Variants in MYL9 observed in about 807,000 individuals in gnomAD.
MYL9 encodes the protein myosin light chain 9, also known as myosin regulatory light polypeptide 9.
Under a neutral mutation model 12.8 loss-of-function variants are expected in MYL9, and 7 were observed. That is an observed-to-expected ratio of 0.55 (90% CI 0.31 to 1.03). The LOEUF (loss-of-function observed/expected upper bound fraction) is 1.03, where lower values mean the gene tolerates loss of function less well. MYL9 is among the 50% of genes least tolerant of loss of function. The pLI, the probability that MYL9 is intolerant of heterozygous loss-of-function variation, is 0.05. For missense variants in MYL9, 190 were observed against 242.7 expected, an observed-to-expected ratio of 0.78 and a Z score of 1.44; for synonymous variants, 81 against 87.8, an observed-to-expected ratio of 0.92 and a Z score of 0.43.
rs1164573412 is a variant in MYL9, at chr20:36,549,620, C to T, written c.*371C>T. Reference sequence around the variant, plus strand: ...AGGAAGAGGCCCTGAGTCCTGGGATCAGACACCCCTTCACGTGTATCCCCA... The same window carrying T: ...AGGAAGAGGCCCTGAGTCCTGGGATTAGACACCCCTTCACGTGTATCCCCA... On this transcript the variant is annotated 3_prime_UTR_variant, in exon 4 of 4. Coordinates refer to ENST00000279022, the MANE Select transcript of MYL9 (RefSeq NM_006097.5). 4.7e-6 allele frequency: 1 copy of T among 210,776 alleles called. No homozygotes were observed. Among genetic ancestry groups the T allele is most frequent in the Non-Finnish European group, 9.7e-6 (1 of 103,246 alleles). The allele number at this position is 210,776 out of a possible 1,614,324, so 13.1% of individuals were successfully genotyped here.
At chr20:36,541,885 G>C (rs758886917) in intron 1 of MYL9, among the ~76,000 whole-genome samples, 1 of 151,350 alleles carries the variant, frequency 6.6e-6, no homozygotes, top group South Asian at 2.1e-4. Context: ...CCAGAGCTCC[G>C]GGGGGGGCTG....
intron 3 of MYL9, among the ~76,000 whole-genome samples, chr20:36,548,666 C>G (rs1308635762): frequency 6.6e-6 from 1 of 152,210 alleles, no homozygotes; most frequent in East Asian, 1.9e-4. Flanking sequence ...CTAGATTAAA[C>G]AGGCACACGG....
chr20:36,547,036 G>A (rs562375226), intron 2 of MYL9, among the ~76,000 whole-genome samples: 1 of 152,282 alleles, frequency 6.6e-6, no homozygotes, highest in South Asian at 2.1e-4. Context: ...CCATCCCAGG[G>A]GGACACAGCA....
intron 1 of MYL9, among the ~76,000 whole-genome samples, chr20:36,542,005 G>A (rs1169971992): frequency 6.6e-6 from 1 of 152,050 alleles, no homozygotes; most frequent in Non-Finnish European, 1.5e-5. Flanking sequence ...GGGACTCCAC[G>A]CCCCCACAGC....
At chr20:36,544,320 G>A (rs960019150) in intron 1 of MYL9, among the ~76,000 whole-genome samples, 1 of 152,278 alleles carries the variant, frequency 6.6e-6, no homozygotes, top group African/African-American at 2.4e-5. Context: ...GAGTGGGAGA[G>A]TGAGGAACGG....
intron 1 of MYL9, 21 bp from the exon 2 acceptor site, chr20:36,544,838 A>AACCCCCCCCCCCTCCAGCAGGGG: frequency 6.5e-7 from 1 of 1,532,684 alleles, no homozygotes; most frequent in Non-Finnish European, 8.9e-7. Context: ...AGGGCCACCC[A>AACCCCCCCCCCCTCCAGCAGGGG]ACCCCCACCC....
chr20:36,546,661 C>A (rs1468538576), intron 2 of MYL9, among the ~76,000 whole-genome samples: 1 of 151,672 alleles, frequency 6.6e-6, no homozygotes, highest in Admixed American at 6.6e-5. Flanking sequence ...GTTGCCCAGG[C>A]TGGAGTGGCA....
In MYL9 at chr20:36,550,317, A is replaced by C. The variant is rs2038154071; in HGVS notation, c.*1068A>C. Reference sequence around the variant, plus strand: ...CGAGTTCAGCCCCAGGACCAACAGCATGGGGGCCACAGCTTTCCATGTCCC... The same window carrying C: ...CGAGTTCAGCCCCAGGACCAACAGCCTGGGGGCCACAGCTTTCCATGTCCC... On this transcript the variant is annotated 3_prime_UTR_variant, in exon 4 of 4. Transcript: ENST00000279022. 6.6e-6 allele frequency: 1 copy of C among 152,242 alleles called. No individual in the cohort carries two copies. Among genetic ancestry groups the C allele is most frequent in the Non-Finnish European group, 1.5e-5 (1 of 68,110 alleles). The allele number at this position is 152,242 out of a possible 1,614,324, so 9.4% of individuals were successfully genotyped here.
chr20:36,547,047 G>T (rs1049842247), intron 2 of MYL9, among the ~76,000 whole-genome samples: 2 of 152,154 alleles, frequency 1.3e-5, no homozygotes, highest in Non-Finnish European at 2.9e-5. Flanking sequence ...GGACACAGCA[G>T]GGTATGTGAG....
In MYL9 at chr20:36,544,965, C is replaced by T. The variant is rs138810228; in HGVS notation, c.81C>T (p.Asp27=). 196 of 1,613,752 alleles carry T rather than the reference C, an allele frequency of 1.2e-4. No homozygotes were observed. The highest frequency in any genetic ancestry group is 1.6e-4 in the Non-Finnish European group (191 of 1,179,992). ...RATSNVFAMF[D]QSQIQEFKEA... is the part of the protein sequence containing the mutation. The stretch of plus-strand genomic sequence containing the variant: ...CATCCAATGTCTTCGCAATGTTTGA[C>T]CAGTCCCAGATCCAGGAGTTTAAGG... The change falls in exon 2 of 4, where the codon GAC becomes GAT. Residue 27 remains aspartate (D), a synonymous_variant. Coordinates refer to ENST00000279022, the MANE Select transcript of MYL9 (RefSeq NM_006097.5).
chr20:36,543,180 C>T (rs2038056805), intron 1 of MYL9, among the ~76,000 whole-genome samples: 1 of 152,206 alleles, frequency 6.6e-6, no homozygotes, highest in African/African-American at 2.4e-5. Flanking sequence ...ATTCTGTCTA[C>T]CTTCCTGAAC....
intron 1 of MYL9, among the ~76,000 whole-genome samples, chr20:36,542,271 G>A (rs1359629509): frequency 6.6e-6 from 1 of 152,174 alleles, no homozygotes; most frequent in Non-Finnish European, 1.5e-5. Context: ...CTAAGGAGGA[G>A]ACTCAGATGA....
At chr20:36,545,483 C>T (rs1416918056) in intron 2 of MYL9, among the ~76,000 whole-genome samples, 24 of 139,100 alleles carry the variant, frequency 1.7e-4, no homozygotes, top group South Asian at 2.2e-4. Flanking sequence ...GGCAACAGAG[C>T]GAGACTCCAT....
Position 36,549,112 on chromosome 20 carries a change from A to AC in MYL9, c.384dup (p.Thr129HisfsTer4), listed in dbSNP as rs752885772. On this transcript the variant is annotated frameshift_variant, in exon 4 of 4. Transcript: ENST00000279022. LOFTEE classifies it high-confidence loss of function. ...TGAGGACCACCTCCGGGAGCTGCTCACCACCATGGGTGACCGCTTCACAGA... is the reference window on the plus strand; with the variant it reads ...TGAGGACCACCTCCGGGAGCTGCTCACCCACCATGGGTGACCGCTTCACAGA... The AC allele has an allele frequency of 6.2e-7, 1 of 1,613,494 alleles. No individual in the cohort carries two copies. The highest frequency in any genetic ancestry group is 1.7e-5 in the Admixed American group (1 of 60,010).
chr20:36,545,305 G>A (rs896106138), intron 2 of MYL9, among the ~76,000 whole-genome samples: 1 of 151,940 alleles, frequency 6.6e-6, no homozygotes, highest in Admixed American at 6.6e-5. Context: ...AGACCATCCT[G>A]GCTAACACGG....
intron 1 of MYL9, among the ~76,000 whole-genome samples, chr20:36,544,062 T>G (rs2038066607): frequency 1.3e-5 from 2 of 151,786 alleles, no homozygotes; most frequent in South Asian, 4.2e-4. Flanking sequence ...GGTCAGGGTC[T>G]GTATGGGACA....
chr20:36,542,623 C>T (rs2038050807), intron 1 of MYL9, among the ~76,000 whole-genome samples: 1 of 152,206 alleles, frequency 6.6e-6, no homozygotes, highest in Admixed American at 6.5e-5. Flanking sequence ...CTGTTTTGTT[C>T]AAGCCTCGAG....
At position 36,549,200 on chromosome 20, in the gene MYL9, TG is replaced by T. The variant is rs780971517; in HGVS notation, c.472del (p.Glu158SerfsTer72). On this transcript the variant is annotated frameshift_variant, in exon 4 of 4. Transcript: ENST00000279022. LOFTEE classifies it high-confidence loss of function. ...GATAAGAAAGGCAACTTCAACTACGTGGAGTTCACCCGCATCCTCAAACATG... is the reference window on the plus strand; with the variant it reads ...GATAAGAAAGGCAACTTCAACTACGTGAGTTCACCCGCATCCTCAAACATG... ...PIDKKGNFNY[V>X]EFTRILKHGA... 2 of 1,613,774 alleles carry T rather than the reference TG, an allele frequency of 1.2e-6. No individual in the cohort carries two copies. Among genetic ancestry groups the T allele is most frequent in the African/African-American group, 2.7e-5 (2 of 74,876 alleles).
At chr20:36,548,583 T>A (rs1381970590) in intron 3 of MYL9, among the ~76,000 whole-genome samples, 1 of 152,148 alleles carries the variant, frequency 6.6e-6, no homozygotes, top group Non-Finnish European at 1.5e-5. Context: ...CATGGTAACA[T>A]GGCCATGGGC....
Sources: allele counts gnomAD v4.1 joint callset (sites outside exome capture counted in the v4.1 genomes callset), GRCh38; gene constraint gnomAD v4.1.1; transcripts MANE v1.5; gene names NCBI Gene and HGNC (gene_info 2026-07-23, HGNC 2026-07-21).